The following KCND2 variants were observed in gnomAD, a reference collection of about 807,000 sequenced individuals.
KCND2 encodes the protein A-type voltage-gated potassium channel KCND2.
A neutral mutation model predicts 54.4 loss-of-function variants in KCND2; 16 were observed. That is an observed-to-expected ratio of 0.29 (90% CI 0.20 to 0.45). The LOEUF is 0.45. Among genes scored for constraint, KCND2 ranks in the 20% least tolerant of loss-of-function variants. The pLI, the probability that KCND2 is intolerant of heterozygous loss-of-function variation, is 1.00. For missense variants in KCND2, 486 were observed against 824.2 expected, an observed-to-expected ratio of 0.59 and a Z score of 5.02; for synonymous variants, 317 against 310.7, an observed-to-expected ratio of 1.02 and a Z score of -0.21.
intron 1 of KCND2, among the ~76,000 whole-genome samples, chr7:120,619,148 A>G (rs1254604004): frequency 6.6e-6 from 1 of 152,228 alleles, no homozygotes; most frequent in African/African-American, 2.4e-5. Context: ...AATTATTAAC[A>G]TGGCTGGGCA....
intron 1 of KCND2, among the ~76,000 whole-genome samples, chr7:120,553,269 G>T (rs1387131164): frequency 6.6e-6 from 1 of 152,028 alleles, no homozygotes. Flanking sequence ...TGTGTGTCTG[G>T]CTTATTTCAT....
intron 1 of KCND2, among the ~76,000 whole-genome samples, chr7:120,670,720 T>C (rs1791980951): frequency 6.6e-6 from 1 of 151,918 alleles, no homozygotes; most frequent in African/African-American, 2.4e-5. Flanking sequence ...ATCCAGACCA[T>C]CCTGGCTAAC....
chr7:120,741,472 A>C, intron 2 of KCND2, 62 bp from the exon 3 acceptor site: 3 of 1,114,524 alleles, frequency 2.7e-6, no homozygotes, highest in Non-Finnish European at 4.1e-6. Flanking sequence ...ACAAGGGTTC[A>C]TTCACTGTTT....
chr7:120,670,595 C>T (rs1217756049), intron 1 of KCND2, among the ~76,000 whole-genome samples: 1 of 152,010 alleles, frequency 6.6e-6, no homozygotes, highest in African/African-American at 2.4e-5. Context: ...CCACCTCCCT[C>T]CAGCTTCCTA....
intron 1 of KCND2, among the ~76,000 whole-genome samples, chr7:120,416,325 T>C (rs1207160819): frequency 6.6e-6 from 1 of 152,188 alleles, no homozygotes; most frequent in Non-Finnish European, 1.5e-5. Flanking sequence ...TATTTTTGCC[T>C]CTACTTCAAG....
intron 1 of KCND2, among the ~76,000 whole-genome samples, chr7:120,571,365 G>T (rs1016829466): frequency 5.3e-5 from 8 of 152,176 alleles, no homozygotes; most frequent in African/African-American, 1.9e-4. Flanking sequence ...GTTATGGAGG[G>T]AATCTTGGCT....
intron 1 of KCND2, among the ~76,000 whole-genome samples, chr7:120,564,489 A>G (rs946520555): frequency 1.3e-5 from 2 of 152,178 alleles, no homozygotes; most frequent in African/African-American, 4.8e-5. Context: ...ATATAAATAC[A>G]TATTCTTCTG....
chr7:120,285,867 G>A (rs1057470514), intron 1 of KCND2, among the ~76,000 whole-genome samples: 1 of 151,782 alleles, frequency 6.6e-6, no homozygotes, highest in Admixed American at 6.6e-5. Flanking sequence ...TGTGGAAATA[G>A]GACACTTTAT....
intron 1 of KCND2, among the ~76,000 whole-genome samples, chr7:120,571,418 T>TA (rs1338691213): frequency 6.6e-6 from 1 of 152,186 alleles, no homozygotes; most frequent in Non-Finnish European, 1.5e-5. Context: ...GCCTTCCACA[T>TA]AGCAATGATT....
At chr7:120,445,502 G>A (rs1457351899) in intron 1 of KCND2, among the ~76,000 whole-genome samples, 3 of 152,026 alleles carry the variant, frequency 2.0e-5, no homozygotes, top group Non-Finnish European at 4.4e-5. Context: ...CATGTTGCTG[G>A]ACCTGTTTCC....
chr7:120,641,323 G>T (rs2116530499), intron 1 of KCND2, among the ~76,000 whole-genome samples: 1 of 152,150 alleles, frequency 6.6e-6, no homozygotes, highest in African/African-American at 2.4e-5. Context: ...GATCTTTCTG[G>T]AATGGCTATT....
intron 1 of KCND2, among the ~76,000 whole-genome samples, chr7:120,349,890 T>C (rs1362573914): frequency 6.6e-6 from 1 of 152,190 alleles, no homozygotes; most frequent in African/African-American, 2.4e-5. Flanking sequence ...CTTAATGATT[T>C]TTACTACTTA....
At chr7:120,422,389 A>G (rs1051832237) in intron 1 of KCND2, among the ~76,000 whole-genome samples, 2 of 152,166 alleles carry the variant, frequency 1.3e-5, no homozygotes, top group Admixed American at 6.5e-5. Flanking sequence ...AGTTATCCTC[A>G]GGAGATTGGC....
intron 1 of KCND2, among the ~76,000 whole-genome samples, chr7:120,566,057 AG>A (rs1792293367): frequency 6.6e-6 from 1 of 152,172 alleles, no homozygotes; most frequent in South Asian, 2.1e-4. Context: ...ACGACCCCCA[AG>A]GAGCTTCTGG....
intron 1 of KCND2, among the ~76,000 whole-genome samples, chr7:120,315,044 A>G (rs1563006515): frequency 6.6e-6 from 1 of 152,166 alleles, no homozygotes; most frequent in Non-Finnish European, 1.5e-5. Context: ...GTTGAAAGAT[A>G]TATGGAAGTA....
At chr7:120,589,437 C>G (rs1792642726) in intron 1 of KCND2, among the ~76,000 whole-genome samples, 1 of 151,700 alleles carries the variant, frequency 6.6e-6, no homozygotes, top group South Asian at 2.1e-4. Context: ...GTTTTTTAAA[C>G]TTTAGGATCA....
At chr7:120,292,984 A>G (rs1799457219) in intron 1 of KCND2, among the ~76,000 whole-genome samples, 1 of 151,894 alleles carries the variant, frequency 6.6e-6, no homozygotes, top group Non-Finnish European at 1.5e-5. Flanking sequence ...ATCTCTGAGT[A>G]GATTCTAAGT....
intron 1 of KCND2, among the ~76,000 whole-genome samples, chr7:120,664,533 CA>C (rs1475974211): frequency 6.6e-6 from 1 of 151,804 alleles, no homozygotes; most frequent in African/African-American, 2.4e-5. Context: ...ATATAAACAA[CA>C]AAAAATACAT....
rs550826272 is a variant in KCND2 at position 120,602,068 on chromosome 7, G to C, written c.1116-130835G>C. 2.6e-5 allele frequency among the ~76,000 whole-genome samples: 4 copies of C among 152,278 alleles called. No homozygotes were observed. The South Asian group carries it at 8.3e-4, about 32-fold the overall frequency. On this transcript the variant is annotated intron_variant, in intron 1 of 5. Coordinates refer to ENST00000331113, the MANE Select transcript of KCND2 (RefSeq NM_012281.3). ...GCTCTTCCCTACGAACTGAAAAAAA[G>C]CTGCAGACTTCCATACCAACTGACA...
Sources: allele counts gnomAD v4.1 joint callset (sites outside exome capture counted in the v4.1 genomes callset), GRCh38; gene constraint gnomAD v4.1.1; transcripts MANE v1.5; gene names NCBI Gene and HGNC (gene_info 2026-07-23, HGNC 2026-07-21).